Variants in LRRC75A observed in about 807,000 individuals in gnomAD.
LRRC75A encodes leucine rich repeat containing 75A.
LRRC75A carries 12 observed loss-of-function variants against 26.0 expected under a neutral mutation model. The ratio of observed to expected loss-of-function variants is 0.46; its 90% CI spans 0.30 to 0.75. The LOEUF (loss-of-function observed/expected upper bound fraction) is 0.75. Ranked by LOEUF, LRRC75A falls within the 30% of genes least tolerant of loss-of-function variation. The probability of loss-of-function intolerance (pLI) is 0.08; values close to 1 mark genes in which losing one functional copy is unlikely to be tolerated. For missense variants in LRRC75A, 410 were observed against 486.6 expected (o/e 0.84, Z 1.48); for synonymous variants, 223 against 219.3 (o/e 1.02, Z -0.15).
chr17:16,452,180 G>C (rs118184588), intron 2 of LRRC75A, among the ~76,000 whole-genome samples: 27,715 of 110,504 alleles, frequency 0.25, 3,298 homozygotes, highest in Middle Eastern at 0.38. Context: ...AGTGAGACTT[G>C]CTCTCAAAAA....
At chr17:16,477,478 G>A (rs2093823845) in intron 1 of LRRC75A, among the ~76,000 whole-genome samples, 1 of 152,228 alleles carries the variant, frequency 6.6e-6, no homozygotes, top group Non-Finnish European at 1.5e-5. Flanking sequence ...GGCAGGAAGG[G>A]GAGACCAGGC....
chr17:16,476,936 C>T (rs2093821857), intron 1 of LRRC75A, among the ~76,000 whole-genome samples: 1 of 151,766 alleles, frequency 6.6e-6, no homozygotes, highest in Admixed American at 6.6e-5. Flanking sequence ...GACGGGGTTT[C>T]ACCGTGTTAG....
intron 1 of LRRC75A, among the ~76,000 whole-genome samples, chr17:16,480,776 T>A (rs1249641486): frequency 6.6e-6 from 1 of 152,192 alleles, no homozygotes; most frequent in Non-Finnish European, 1.5e-5. Flanking sequence ...ACAGGTCCTC[T>A]GTGCCCCAGA....
intron 1 of LRRC75A, among the ~76,000 whole-genome samples, chr17:16,476,378 AT>A (rs201438489): frequency 1.3e-4 from 20 of 148,836 alleles, no homozygotes; most frequent in Non-Finnish European, 1.6e-4. Flanking sequence ...AAAAAAAAAA[AT>A]TTTTTTTTTT....
chr17:16,479,988 TG>T (rs1164589396), intron 1 of LRRC75A, among the ~76,000 whole-genome samples: 1 of 152,226 alleles, frequency 6.6e-6, no homozygotes, highest in Non-Finnish European at 1.5e-5. Context: ...CTCCGCCTCC[TG>T]TCAGATCAGT....
intron 2 of LRRC75A, among the ~76,000 whole-genome samples, chr17:16,457,322 TCCTCTTG>T (rs1463367323): frequency 6.6e-6 from 1 of 152,200 alleles, no homozygotes; most frequent in Non-Finnish European, 1.5e-5. Context: ...CTTTTCTGTT[TCCTCTTG>T]CCCCACAGTC....
At chr17:16,449,773 C>T (rs184710767) in intron 2 of LRRC75A, among the ~76,000 whole-genome samples, 3 of 152,328 alleles carry the variant, frequency 2.0e-5, no homozygotes, top group Admixed American at 2.0e-4. Flanking sequence ...CCCGCCATCA[C>T]ACCTGGCTAG....
At chr17:16,445,762 TATC>T (rs2093579026) in intron 3 of LRRC75A, among the ~76,000 whole-genome samples, 1 of 152,250 alleles carries the variant, frequency 6.6e-6, no homozygotes, top group Non-Finnish European at 1.5e-5. Context: ...TTGGTGCTAT[TATC>T]AATGTCATTA....
At chr17:16,476,334 C>A (rs1294210077) in intron 1 of LRRC75A, among the ~76,000 whole-genome samples, 1 of 151,890 alleles carries the variant, frequency 6.6e-6, no homozygotes, top group Non-Finnish European at 1.5e-5. Flanking sequence ...CACCACTGCA[C>A]TCCAGCCTGG....
At chr17:16,485,012 C>A (rs1170077762) in intron 1 of LRRC75A, among the ~76,000 whole-genome samples, 1 of 150,088 alleles carries the variant, frequency 6.7e-6, no homozygotes, top group Non-Finnish European at 1.5e-5. Context: ...GCCACGTGGG[C>A]ACTGCTCAGG....
At chr17:16,485,871 A>G (rs1370759047) in intron 1 of LRRC75A, among the ~76,000 whole-genome samples, 1 of 149,860 alleles carries the variant, frequency 6.7e-6, no homozygotes, top group Non-Finnish European at 1.5e-5. Flanking sequence ...TCACTGGATA[A>G]CCCTTCTTCA....
chr17:16,476,329 C>T (rs182652919), intron 1 of LRRC75A, among the ~76,000 whole-genome samples: 1 of 152,074 alleles, frequency 6.6e-6, no homozygotes, highest in African/African-American at 2.4e-5. Context: ...GGTTGCACCA[C>T]TGCACTCCAG....
At chr17:16,453,341 C>T (rs1237263309) in intron 2 of LRRC75A, among the ~76,000 whole-genome samples, 1 of 141,280 alleles carries the variant, frequency 7.1e-6, no homozygotes, top group Non-Finnish European at 1.6e-5. Context: ...CACGCACACA[C>T]GCACACGCAC....
chr17:16,444,911 C>T (rs189180351), intron 3 of LRRC75A, among the ~76,000 whole-genome samples: 6 of 149,464 alleles, frequency 4.0e-5, no homozygotes, highest in Non-Finnish European at 7.4e-5. Flanking sequence ...TACAATGGCA[C>T]GATCTTGGTT....
In LRRC75A at chr17:16,462,523, T is replaced by C. The variant is rs1466468203; in HGVS notation, c.247-137A>G. On this transcript the variant is annotated intron_variant, in intron 1 of 3. Coordinates refer to ENST00000470794, the MANE Select transcript of LRRC75A (RefSeq NM_001113567.3). The surrounding 1 kb of genome is among the most constrained non-coding windows in gnomAD (Gnocchi z 4.6). ...CCCGGTGGGGAGCATCTGCAGAACT[T>C]CCCTCAGGGGCTGGGGCAGGCCTCT... 3.4e-6 allele frequency: 4 copies of C among 1,160,876 alleles called. No homozygotes were observed. Among genetic ancestry groups the C allele is most frequent in the Admixed American group, 4.8e-5 (2 of 41,332 alleles). 71.9% of individuals were successfully genotyped at this position (1,160,876 alleles called of 1,614,324 possible). A position where few individuals can be genotyped will look rare whatever the true frequency, so the allele number is the denominator to read the frequency against.
At chr17:16,470,995 G>GT (rs1259280149) in intron 1 of LRRC75A, among the ~76,000 whole-genome samples, 1 of 152,144 alleles carries the variant, frequency 6.6e-6, no homozygotes, top group Non-Finnish European at 1.5e-5. Context: ...ACAGGATGCA[G>GT]TGGGATGAAT....
intron 1 of LRRC75A, among the ~76,000 whole-genome samples, chr17:16,482,387 C>T (rs2093836534): frequency 6.6e-6 from 1 of 152,068 alleles, no homozygotes; most frequent in Non-Finnish European, 1.5e-5. Context: ...CAGGGGGTTC[C>T]GAGATAGCTG....
chr17:16,456,758 G>C (rs557714226), intron 2 of LRRC75A, among the ~76,000 whole-genome samples: 1 of 152,192 alleles, frequency 6.6e-6, no homozygotes, highest in African/African-American at 2.4e-5. Context: ...AAGACACCTC[G>C]ATATCTGTAG....
chr17:16,443,395 T>C lies in LRRC75A; in HGVS notation c.*193A>G. 1.8e-6 allele frequency: 1 copy of C among 554,966 alleles called. No homozygotes were observed. Among genetic ancestry groups the C allele is most frequent in the Non-Finnish European group, 3.2e-6 (1 of 315,744 alleles). 34.4% of individuals were successfully genotyped at this position (554,966 alleles called of 1,614,324 possible). A position where few individuals can be genotyped will look rare whatever the true frequency, so the allele number is the denominator to read the frequency against. On this transcript the variant is annotated 3_prime_UTR_variant, in exon 4 of 4. Coordinates refer to ENST00000470794, the MANE Select transcript of LRRC75A (RefSeq NM_001113567.3). ...GGCAGATAATGGGATAGGGGGCAGATGCAGAGGACCAACGGGAAGTTTTAA... is the reference window on the plus strand; with the variant it reads ...GGCAGATAATGGGATAGGGGGCAGACGCAGAGGACCAACGGGAAGTTTTAA...
Sources: allele counts gnomAD v4.1 joint callset (sites outside exome capture counted in the v4.1 genomes callset), GRCh38; gene constraint gnomAD v4.1.1; non-coding constraint Gnocchi (gnomAD v3.1); transcripts MANE v1.5; gene names NCBI Gene and HGNC (gene_info 2026-07-23, HGNC 2026-07-21).